Variants in ACER3 observed in about 807,000 individuals in gnomAD.
ACER3 encodes alkaline ceramidase 3.
In ACER3, 16 loss-of-function variants were observed where a neutral mutation model predicts 48.9. The ratio of observed to expected loss-of-function variants is 0.33; its 90% CI spans 0.22 to 0.50. ACER3 has a LOEUF of 0.50. Ranked by LOEUF, ACER3 falls within the 20% of genes least tolerant of loss-of-function variation. The probability of loss-of-function intolerance (pLI) is 0.98; values close to 1 mark genes in which losing one functional copy is unlikely to be tolerated. For synonymous variants in ACER3, 109 were observed against 107.8 expected, an observed-to-expected ratio of 1.01 and a Z score of -0.07; for missense variants, 227 against 326.0, an observed-to-expected ratio of 0.70 and a Z score of 2.34.
At chr11:76,992,729 G>T (rs1253202595) in intron 6 of ACER3, among the ~76,000 whole-genome samples, 3 of 152,138 alleles carry the variant, frequency 2.0e-5, no homozygotes, top group Non-Finnish European at 4.4e-5. Context: ...TTGGAGACAG[G>T]CAGCAAAGCA....
At chr11:77,010,202 G>A (rs1949233867) in intron 7 of ACER3, among the ~76,000 whole-genome samples, 1 of 140,360 alleles carries the variant, frequency 7.1e-6, no homozygotes, top group Non-Finnish European at 1.5e-5. Context: ...ATAATAACTA[G>A]TTTGGCATGG....
chr11:76,966,925 A>G (rs1948152709), intron 3 of ACER3, among the ~76,000 whole-genome samples: 1 of 152,052 alleles, frequency 6.6e-6, no homozygotes, highest in South Asian at 2.1e-4. Flanking sequence ...AACACATTCA[A>G]AAGCTAGCAG....
At chr11:77,012,416 CAAAAAAAA>C (rs35917677) in intron 7 of ACER3, among the ~76,000 whole-genome samples, 258 of 21,384 alleles carry the variant, frequency 0.012, 1 homozygote, top group African/African-American at 0.036. Flanking sequence ...GACTCCATCT[CAAAAAAAA>C]AAAAAAAAAA....
chr11:76,910,281 TA>T (rs1946344727), intron 1 of ACER3, among the ~76,000 whole-genome samples: 1 of 152,060 alleles, frequency 6.6e-6, no homozygotes, highest in African/African-American at 2.4e-5. Context: ...ATAATAATAA[TA>T]AAAAATTATG....
At chr11:76,901,075 C>G (rs1452519372) in intron 1 of ACER3, among the ~76,000 whole-genome samples, 1 of 152,106 alleles carries the variant, frequency 6.6e-6, no homozygotes, top group Non-Finnish European at 1.5e-5. Flanking sequence ...TCATGATGTT[C>G]TGTCTATGGG....
At position 77,020,426 on chromosome 11, in the gene ACER3, C is replaced by A; in HGVS notation, c.*99C>A. On this transcript the variant is annotated 3_prime_UTR_variant, in exon 11 of 11. Transcript: ENST00000532485. ...ATCTACAAGTTCAAATATGTCATGA[C>A]CATCACAGCAGAGGAGTGACTTTCT... 1 of 1,364,622 alleles carries A rather than the reference C, an allele frequency of 7.3e-7. No individual in the cohort carries two copies. Among genetic ancestry groups the A allele is most frequent in the South Asian group, 1.2e-5 (1 of 81,564 alleles). 84.5% of individuals were successfully genotyped at this position (1,364,622 alleles called of 1,614,324 possible). A position where few individuals can be genotyped will look rare whatever the true frequency, so the allele number is the denominator to read the frequency against.
intron 3 of ACER3, among the ~76,000 whole-genome samples, chr11:76,972,065 A>G (rs937337065): frequency 6.6e-6 from 1 of 152,168 alleles, no homozygotes; most frequent in Non-Finnish European, 1.5e-5. Context: ...TCAAAGAAAT[A>G]TATTTGGGGG....
chr11:76,979,656 C>T (rs1948535641), intron 4 of ACER3, among the ~76,000 whole-genome samples: 1 of 151,406 alleles, frequency 6.6e-6, no homozygotes, highest in African/African-American at 2.4e-5. Flanking sequence ...CTGTCCCCCC[C>T]AGAAAAAAAG....
chr11:77,011,830 A>G (rs1196121070), intron 7 of ACER3, among the ~76,000 whole-genome samples: 2 of 152,158 alleles, frequency 1.3e-5, no homozygotes, highest in African/African-American at 4.8e-5. Context: ...AAATTACATG[A>G]TATCAAGATT....
At chr11:77,012,416 C>CAAAAAAAAAAAAAAA (rs35917677) in intron 7 of ACER3, among the ~76,000 whole-genome samples, 1 of 21,386 alleles carries the variant, frequency 4.7e-5, no homozygotes, top group Non-Finnish European at 1.0e-4. Context: ...GACTCCATCT[C>CAAAAAAAAAAAAAAA]AAAAAAAAAA....
intron 1 of ACER3, among the ~76,000 whole-genome samples, chr11:76,905,185 G>A (rs1946193250): frequency 6.6e-6 from 1 of 151,944 alleles, no homozygotes; most frequent in Non-Finnish European, 1.5e-5. Context: ...AAATGTGATT[G>A]TGCATTATGA....
At chr11:76,908,763 A>C (rs1946297770) in intron 1 of ACER3, among the ~76,000 whole-genome samples, 1 of 152,222 alleles carries the variant, frequency 6.6e-6, no homozygotes, top group Non-Finnish European at 1.5e-5. Flanking sequence ...GAATTAGAAA[A>C]AAACAACTTT....
At chr11:76,979,658 G>GA (rs1271158147) in intron 4 of ACER3, among the ~76,000 whole-genome samples, 3 of 151,448 alleles carry the variant, frequency 2.0e-5, no homozygotes, top group South Asian at 2.1e-4. Context: ...GTCCCCCCCA[G>GA]AAAAAAAGAT....
intron 1 of ACER3, among the ~76,000 whole-genome samples, chr11:76,867,044 G>GCTATT (rs1945107785): frequency 2.6e-5 from 4 of 152,062 alleles, no homozygotes; most frequent in Non-Finnish European, 5.9e-5. Context: ...TGTGAATATG[G>GCTATT]GTGTTCAGAA....
At chr11:76,939,638 G>GTTC (rs1947286751) in intron 2 of ACER3, among the ~76,000 whole-genome samples, 1 of 152,074 alleles carries the variant, frequency 6.6e-6, no homozygotes, top group South Asian at 2.1e-4. Flanking sequence ...CTGACAGCAG[G>GTTC]TTCTTCCTGG....
intron 1 of ACER3, among the ~76,000 whole-genome samples, chr11:76,908,209 C>T (rs2134708033): frequency 1.3e-5 from 2 of 152,294 alleles, no homozygotes; most frequent in African/African-American, 4.8e-5. Context: ...GCACTCTAGC[C>T]TGGGCGACAG....
chr11:76,964,113 C>A (rs1948073049), intron 3 of ACER3, among the ~76,000 whole-genome samples: 1 of 151,450 alleles, frequency 6.6e-6, no homozygotes, highest in African/African-American at 2.5e-5. Flanking sequence ...TCACTCCCAC[C>A]CTAATACTGC....
intron 7 of ACER3, among the ~76,000 whole-genome samples, chr11:77,010,163 AAATAATAATAATAAT>A (rs59504202): frequency 2.7e-5 from 4 of 146,432 alleles, no homozygotes; most frequent in African/African-American, 5.1e-5. Context: ...TCTCTACCAG[AAATAATAATAATAAT>A]AATAATAATA....
chr11:77,012,416 CAA>C (rs35917677), intron 7 of ACER3, among the ~76,000 whole-genome samples: 13 of 21,390 alleles, frequency 6.1e-4, no homozygotes, highest in Middle Eastern at 0.024. Context: ...GACTCCATCT[CAA>C]AAAAAAAAAA....
Sources: gnomAD v4.1 joint callset for allele counts (sites outside exome capture counted in the v4.1 genomes callset) on GRCh38, gnomAD v4.1.1 for gene constraint, MANE v1.5 for transcripts, NCBI Gene and HGNC (gene_info 2026-07-23, HGNC 2026-07-21) for gene names.